Variants in ARHGAP26 observed in about 807,000 individuals in gnomAD.
ARHGAP26 encodes Rho GTPase activating protein 26, also known as rho GTPase-activating protein 26.
In ARHGAP26, 38 loss-of-function variants were observed where a neutral mutation model predicts 104.8. That is an observed-to-expected ratio of 0.36 (90% confidence interval 0.28 to 0.48). The LOEUF is 0.48. ARHGAP26 is among the 20% of genes least tolerant of loss of function. The probability of loss-of-function intolerance (pLI) is 0.99; values close to 1 mark genes in which losing one functional copy is unlikely to be tolerated. For synonymous variants in ARHGAP26, 341 were observed against 340.0 expected, an observed-to-expected ratio of 1.00 and a Z score of -0.03; for missense variants, 704 against 947.9, an observed-to-expected ratio of 0.74 and a Z score of 3.38.
intron 1 of ARHGAP26, among the ~76,000 whole-genome samples, chr5:142,861,961 A>T (rs1346322524): frequency 6.6e-6 from 1 of 152,196 alleles, no homozygotes; most frequent in Non-Finnish European, 1.5e-5. Context: ...GTTGGTAGGA[A>T]CAGTGCAGGG....
At chr5:142,835,976 C>T (rs1769472114) in intron 1 of ARHGAP26, among the ~76,000 whole-genome samples, 1 of 152,172 alleles carries the variant, frequency 6.6e-6, no homozygotes, top group South Asian at 2.1e-4. Context: ...AAGCAATTCA[C>T]AGAGTTAGTA....
chr5:142,901,223 G>T (rs1760283791), intron 6 of ARHGAP26, among the ~76,000 whole-genome samples: 1 of 152,212 alleles, frequency 6.6e-6, no homozygotes, highest in East Asian at 1.9e-4. Flanking sequence ...GTGGTGAACA[G>T]ATGTTTTTAC....
At chr5:142,771,901 G>A (rs900513572) in intron 1 of ARHGAP26, among the ~76,000 whole-genome samples, 2 of 152,190 alleles carry the variant, frequency 1.3e-5, no homozygotes, top group Non-Finnish European at 2.9e-5. Context: ...TGGATTGTGA[G>A]AACGTTTTTG....
chr5:143,097,356 A>G (rs1284913405), intron 17 of ARHGAP26, among the ~76,000 whole-genome samples: 1 of 148,330 alleles, frequency 6.7e-6, no homozygotes, highest in Admixed American at 6.6e-5. Context: ...CGTCTCAAAA[A>G]AAAGAAAAAA....
At chr5:142,780,717 C>T (rs1032405712) in intron 1 of ARHGAP26, among the ~76,000 whole-genome samples, 2 of 152,092 alleles carry the variant, frequency 1.3e-5, no homozygotes, top group African/African-American at 4.8e-5. Flanking sequence ...TATCTTTGTG[C>T]GGTGCGTGTA....
chr5:143,166,128 G>A, intron 20 of ARHGAP26: 1 of 1,290,092 alleles, frequency 7.8e-7, no homozygotes, highest in South Asian at 1.3e-5. Context: ...CTGGGTTCCA[G>A]TCATATCTCA....
chr5:142,906,887 T>A (rs1009902876), intron 8 of ARHGAP26, among the ~76,000 whole-genome samples: 3 of 151,944 alleles, frequency 2.0e-5, no homozygotes, highest in East Asian at 3.8e-4. Flanking sequence ...TTTTTTTTTT[T>A]AACAATTTCT....
intron 6 of ARHGAP26, among the ~76,000 whole-genome samples, chr5:142,895,234 C>CTT (rs1339893320): frequency 2.3e-4 from 34 of 149,994 alleles, no homozygotes; most frequent in Non-Finnish European, 1.5e-4. Context: ...TTTCTTTTTT[C>CTT]TTTTTTTTTT....
chr5:143,144,548 G>T lies in ARHGAP26; in HGVS notation c.1838-2683G>T, dbSNP rs149969923. Among the ~76,000 whole-genome samples, 44 of 152,208 alleles carry T rather than the reference G, an allele frequency of 2.9e-4. 1 individual carries two copies. The highest frequency in any genetic ancestry group is 1.1e-3 in the African/African-American group (44 of 41,516). ...AGCCTCCCAAGTACATGGGACCACA[G>T]GTGTGTACCACCAGGCCTGGCTAAT... is the stretch of plus-strand genomic sequence containing the variant. On this transcript the variant is annotated intron_variant, in intron 19 of 22. Coordinates refer to ENST00000645722, the MANE Select transcript of ARHGAP26 (RefSeq NM_001135608.3).
intron 1 of ARHGAP26, among the ~76,000 whole-genome samples, chr5:142,781,887 A>AT (rs897394060): frequency 3.4e-4 from 51 of 150,516 alleles, no homozygotes; most frequent in African/African-American, 6.3e-4. Flanking sequence ...AATTTTTTGT[A>AT]TTTTTTTTTA....
chr5:143,206,543 T>C (rs1015788486), intron 20 of ARHGAP26, among the ~76,000 whole-genome samples: 13 of 152,180 alleles, frequency 8.5e-5, no homozygotes, highest in African/African-American at 3.1e-4. Context: ...AATGCCCAAA[T>C]TCCACGAAAG....
chr5:142,846,680 T>C (rs1047479100), intron 1 of ARHGAP26, among the ~76,000 whole-genome samples: 1 of 152,202 alleles, frequency 6.6e-6, no homozygotes, highest in Non-Finnish European at 1.5e-5. Flanking sequence ...CAAAAGAGAC[T>C]TACATTTTGT....
At chr5:143,062,057 A>G (rs1786791618) in intron 17 of ARHGAP26, among the ~76,000 whole-genome samples, 1 of 152,230 alleles carries the variant, frequency 6.6e-6, no homozygotes, top group Non-Finnish European at 1.5e-5. Context: ...TTGACAGAAT[A>G]AAGACAGCCC....
intron 12 of ARHGAP26, among the ~76,000 whole-genome samples, chr5:143,023,883 C>T (rs1780674248): frequency 1.3e-5 from 2 of 152,222 alleles, no homozygotes; most frequent in Non-Finnish European, 2.9e-5. Flanking sequence ...CTCCTCCCCA[C>T]ACCCTTTTTC....
chr5:143,074,168 G>C (rs1788655685), intron 17 of ARHGAP26, among the ~76,000 whole-genome samples: 1 of 151,804 alleles, frequency 6.6e-6, no homozygotes, highest in Non-Finnish European at 1.5e-5. Context: ...GACTTCCTTA[G>C]ACATTAATTA....
intron 1 of ARHGAP26, among the ~76,000 whole-genome samples, chr5:142,853,736 C>T (rs185219984): frequency 4.9e-4 from 75 of 152,298 alleles, no homozygotes; most frequent in South Asian, 1.2e-3. Flanking sequence ...CTTGACTCCA[C>T]GTTCTCAGAT....
rs187667013 is a variant in ARHGAP26, at chr5:142,783,005, C to A, written c.154+12090C>A. Among the ~76,000 whole-genome samples the A allele has an allele frequency of 2.2e-3, 335 of 152,270 alleles. 2 individuals carry two copies. Among genetic ancestry groups the A allele is most frequent in the South Asian group, 6.4e-3 (31 of 4,826 alleles). Reference sequence around the variant, plus strand: ...AAACCCGAATTTCCTATACCCCCGCCCCCACTCCCTTCCATCTCACCCCAA... The same window carrying A: ...AAACCCGAATTTCCTATACCCCCGCACCCACTCCCTTCCATCTCACCCCAA... On this transcript the variant is annotated intron_variant, in intron 1 of 22. Coordinates refer to ENST00000645722, the MANE Select transcript of ARHGAP26 (RefSeq NM_001135608.3).
At chr5:142,854,203 CCT>C (rs1751986129) in intron 1 of ARHGAP26, among the ~76,000 whole-genome samples, 1 of 152,202 alleles carries the variant, frequency 6.6e-6, no homozygotes, top group Non-Finnish European at 1.5e-5. Context: ...ATTCTTAATG[CCT>C]GTCTCTAAAG....
rs114117367 is a variant in ARHGAP26 at position 142,795,244 on chromosome 5, C to T, written c.154+24329C>T. On this transcript the variant is annotated intron_variant, in intron 1 of 22. Transcript: ENST00000645722. ...TTTAATCTCTCAGAAACTCAGTTGC[C>T]TCAGTTTTCTCATCTGTAAAGTGAG... Among the ~76,000 whole-genome samples the T allele has an allele frequency of 4.5e-3, 691 of 152,154 alleles. 3 individuals carry two copies. Among genetic ancestry groups the T allele is most frequent in the Middle Eastern group, 0.01 (3 of 294 alleles).
Sources: gnomAD v4.1 joint callset for allele counts (sites outside exome capture counted in the v4.1 genomes callset) on GRCh38, gnomAD v4.1.1 for gene constraint, MANE v1.5 for transcripts, NCBI Gene and HGNC (gene_info 2026-07-23, HGNC 2026-07-21) for gene names.